GPX4: variants seen among roughly 807,000 people sequenced by gnomAD.
The protein encoded by GPX4 is glutathione peroxidase 4.
A neutral mutation model predicts 27.8 loss-of-function variants in GPX4; 28 were observed. The ratio of observed to expected loss-of-function variants is 1.01; its 90% CI spans 0.75 to 1.38. The LOEUF (loss-of-function observed/expected upper bound fraction) is 1.38, where lower values mean the gene tolerates loss of function less well. GPX4 is among the 40% of genes most tolerant of loss of function. The pLI is 0.00. For synonymous variants in GPX4, 163 were observed against 107.8 expected, an observed-to-expected ratio of 1.51 and a Z score of -3.17; for missense variants, 357 against 274.1, an observed-to-expected ratio of 1.30 and a Z score of -2.14.
rs575039682 is a variant in GPX4, at chr19:1,105,450, C to G, written c.264C>G (p.Ala88=). ...VNYTQLVDLH[A]RYAECGLRIL... ...ACACTCAGCTCGTCGACCTGCACGC[C>G]CGATACGCTGAGTGTGGTTTGCGGA... Residue 88 remains alanine (A), a synonymous_variant, in exon 3 of 7, where the codon GCC becomes GCG. Transcript: ENST00000354171. The G allele has an allele frequency of 2.5e-6, 4 of 1,612,772 alleles. No individual in the cohort carries two copies. Among genetic ancestry groups the G allele is most frequent in the Non-Finnish European group, 3.4e-6 (4 of 1,179,852 alleles).
At chr19:1,105,890 A>G in intron 4 of GPX4, 81 bp downstream of exon 4, 3 of 1,410,818 alleles carry the variant, frequency 2.1e-6, no homozygotes, top group Non-Finnish European at 2.8e-6. Context: ...CCTGGGGCAG[A>G]ATGGCTCATG....
At chr19:1,104,559 G>A (rs1047875271) in intron 1 of GPX4, 1 of 890,472 alleles carries the variant, frequency 1.1e-6, no homozygotes, top group Non-Finnish European at 1.3e-6. Context: ...AGCGGTTGGG[G>A]GCGCGGAGGG....
At chr19:1,105,107 C>A in intron 1 of GPX4, 79 bp from the exon 2 acceptor site, 7 of 1,555,626 alleles carry the variant, frequency 4.5e-6, no homozygotes, top group Non-Finnish European at 6.2e-6. Flanking sequence ...CACCGACCCG[C>A]TCCCGATCCC....
At chr19:1,105,580 A>G (rs1474481553) in intron 3 of GPX4, 70 bp downstream of exon 3, 1 of 1,599,766 alleles carries the variant, frequency 6.3e-7, no homozygotes. Flanking sequence ...CAGCCTGGAG[A>G]GGGCCTGGGA....
intron 4 of GPX4, 44 bp downstream of exon 4, chr19:1,105,853 G>A: frequency 2.2e-6 from 3 of 1,343,712 alleles, no homozygotes; most frequent in Non-Finnish European, 3.1e-6. Context: ...GGTGGGGGTG[G>A]GGGGGCTGCT....
At chr19:1,104,692 C>T (rs2079626668) in intron 1 of GPX4, 28 of 984,308 alleles carry the variant, frequency 2.8e-5, no homozygotes, top group Non-Finnish European at 3.4e-5. Flanking sequence ...CCGCTAGCGG[C>T]GCTCGGGGTG....
At position 1,106,689 on chromosome 19, in the gene GPX4, G is replaced by C; in HGVS notation, c.*117G>C. ...TGGGGCAGACCCGAAAATCCAGCGTGCACCCCGCCGGAGGAAGGTCCCATG... is the reference window on the plus strand; with the variant it reads ...TGGGGCAGACCCGAAAATCCAGCGTCCACCCCGCCGGAGGAAGGTCCCATG... On this transcript the variant is annotated 3_prime_UTR_variant, in exon 7 of 7. Transcript: ENST00000354171. 4 of 1,396,456 alleles carry C rather than the reference G, an allele frequency of 2.9e-6. No individual in the cohort carries two copies. The highest frequency in any genetic ancestry group is 3.9e-6 in the Non-Finnish European group (4 of 1,019,268). The allele number at this position is 1,396,456 out of a possible 1,614,324, so 86.5% of individuals were successfully genotyped here.
At position 1,104,658 on chromosome 19, in the gene GPX4, C is replaced by T. The variant is rs971189920; in HGVS notation, c.85-528C>T. ...TGGCGTCACAGTCGCGCAGTCCTGA[C>T]TACGGCCTCCGGGCCCTTTGTCCCC... On this transcript the variant is annotated intron_variant, in intron 1 of 6. Transcript: ENST00000354171. The T allele has an allele frequency of 8.1e-6, 8 of 985,276 alleles. No individual in the cohort carries two copies. The African/African-American group carries it at 1.2e-4, about 15-fold the overall frequency. The allele number at this position is 985,276 out of a possible 1,614,324, so 61.0% of individuals were successfully genotyped here.
chr19:1,106,274 G>T lies in GPX4; in HGVS notation c.501+8G>T, dbSNP rs1278999875. On this transcript the variant is annotated splice_region_variant and intron_variant, in intron 5 of 6. Coordinates refer to ENST00000354171, the MANE Select transcript of GPX4 (RefSeq NM_002085.5). ...AAGTGGAACTTCACCAAGGTAAGGG[G>T]GCTGTGGGGGGTAGGGGACCAGCTT... is the stretch of plus-strand genomic sequence containing the variant. 6.2e-7 allele frequency: 1 copy of T among 1,606,742 alleles called. No individual in the cohort carries two copies. The highest frequency in any genetic ancestry group is 2.2e-5 in the East Asian group (1 of 44,812).
rs1486586840 is a variant in GPX4 at position 1,105,734 on chromosome 19, GCGTGAA to G, written c.404_409del (p.Val135_Asn136del). On this transcript the variant is annotated inframe_deletion, in exon 4 of 7. Transcript: ENST00000354171. ...AAATTCGATATGTTCAGCAAGATCT[GCGTGAA>G]CGGGGACGACGCCCACCCGCTGTGG... The G allele has an allele frequency of 6.2e-7, 1 of 1,605,826 alleles. No homozygotes were observed. The highest frequency in any genetic ancestry group is 8.5e-7 in the Non-Finnish European group (1 of 1,176,360).
chr19:1,106,747 T>A lies in GPX4; in HGVS notation c.*175T>A. The A allele has an allele frequency of 1.4e-6, 1 of 732,862 alleles. No homozygotes were observed. Among genetic ancestry groups the A allele is most frequent in the Non-Finnish European group, 2.2e-6 (1 of 455,020 alleles). The allele number at this position is 732,862 out of a possible 1,614,324, so 45.4% of individuals were successfully genotyped here. A position where few individuals can be genotyped will look rare whatever the true frequency, so the allele number is the denominator to read the frequency against. ...GGGCTTGGCTCGGCGCCCCCACCCC[T>A]GGCTACCTTGTGGGAATAAACAGAC... On this transcript the variant is annotated 3_prime_UTR_variant, in exon 7 of 7. Transcript: ENST00000354171.
chr19:1,105,758 C>T lies in GPX4; in HGVS notation c.425C>T (p.Pro142Leu), dbSNP rs1373540032. 10 of 1,558,624 alleles carry T rather than the reference C, an allele frequency of 6.4e-6. No homozygotes were observed. Among genetic ancestry groups the T allele is most frequent in the Non-Finnish European group, 7.8e-6 (9 of 1,149,186 alleles). ...KICVNGDDAH[P>L]LWKWMKIQPK... ...TGCGTGAACGGGGACGACGCCCACC[C>T]GCTGTGGAAGTGGATGAAGATCCAA... Residue 142 changes from proline (P) to leucine (L), a missense_variant, in exon 4 of 7, where the codon CCG (proline) becomes CTG (leucine). Physicochemically the swap from Pro to Leu is moderately conservative, Grantham distance 98. Coordinates refer to ENST00000354171, the MANE Select transcript of GPX4 (RefSeq NM_002085.5).
chr19:1,106,468 T>C lies in GPX4; in HGVS notation c.561+9T>C, dbSNP rs1029868890. ...CCATGGAGGAGCCCCTGGTAGGTCC[T>C]CTCTAGGGAGCCCGCTTGAGGCTCG... On this transcript the variant is annotated intron_variant, in intron 6 of 6. Coordinates refer to ENST00000354171, the MANE Select transcript of GPX4 (RefSeq NM_002085.5). The C allele has an allele frequency of 1.9e-6, 3 of 1,612,462 alleles. No homozygotes were observed. In the African/African-American group the frequency reaches 4.0e-5, roughly 22 times the overall value.
chr19:1,106,199 G>T, intron 4 of GPX4, 43 bp from the exon 5 acceptor site: 1 of 1,568,586 alleles, frequency 6.4e-7, no homozygotes. Flanking sequence ...GGGGACTGTG[G>T]GGGGCTGCTG....
intron 1 of GPX4, 161 bp downstream of exon 1, chr19:1,104,288 G>A: frequency 1.6e-6 from 1 of 643,732 alleles, no homozygotes; most frequent in Non-Finnish European, 2.4e-6. Flanking sequence ...ACGGACGCGG[G>A]TGACCGTACT....
Position 1,106,280 on chromosome 19 carries a change from G to C in GPX4, c.501+14G>C. The C allele has an allele frequency of 6.2e-7, 1 of 1,604,116 alleles. No individual in the cohort carries two copies. On this transcript the variant is annotated intron_variant, in intron 5 of 6. Coordinates refer to ENST00000354171, the MANE Select transcript of GPX4 (RefSeq NM_002085.5). ...AACTTCACCAAGGTAAGGGGGCTGT[G>C]GGGGGTAGGGGACCAGCTTCCCCTG...
chr19:1,106,196 G>C (rs1485186499), intron 4 of GPX4, 46 bp from the exon 5 acceptor site: 3 of 1,561,666 alleles, frequency 1.9e-6, no homozygotes, highest in Admixed American at 3.5e-5. Flanking sequence ...CTTGGGGACT[G>C]TGGGGGGCTG....
chr19:1,105,029 G>A (rs755330241), intron 1 of GPX4, 157 bp from the exon 2 acceptor site: 54 of 1,466,730 alleles, frequency 3.7e-5, no homozygotes, highest in Non-Finnish European at 4.7e-5. Flanking sequence ...AGAAGTACAA[G>A]GGGGCGTGTG....
At position 1,104,043 on chromosome 19, in the gene GPX4, G is replaced by T; in HGVS notation, c.-1G>T. 1 of 1,519,422 alleles carries T rather than the reference G, an allele frequency of 6.6e-7. No homozygotes were observed. Among genetic ancestry groups the T allele is most frequent in the Non-Finnish European group, 8.8e-7 (1 of 1,139,888 alleles). 94.1% of individuals were successfully genotyped at this position (1,519,422 alleles called of 1,614,324 possible). On this transcript the variant is annotated 5_prime_UTR_variant, in exon 1 of 7. Transcript: ENST00000354171. ...AGCCGCTGGCTCCCAGCCCCGCCGC[G>T]ATGAGCCTCGGCCGCCTTTGCCGCC...
Sources: allele counts gnomAD v4.1 joint callset, GRCh38; gene constraint gnomAD v4.1.1; transcripts MANE v1.5; gene names NCBI Gene and HGNC (gene_info 2026-07-23, HGNC 2026-07-21).